NCOA1: variants seen among roughly 807,000 people sequenced by gnomAD.
The protein encoded by NCOA1 is Hin-2 protein.
NCOA1 carries 35 observed loss-of-function variants against 150.9 expected under a neutral mutation model. The observed-to-expected ratio is 0.23, with a 90% CI of 0.18 to 0.31. The LOEUF (loss-of-function observed/expected upper bound fraction) is 0.31. Among genes scored for constraint, NCOA1 ranks in the 10% least tolerant of loss-of-function variants. The probability of loss-of-function intolerance (pLI) is 1.00; values close to 1 mark genes in which losing one functional copy is unlikely to be tolerated. For synonymous variants in NCOA1, 590 were observed against 630.0 expected, an observed-to-expected ratio of 0.94 and a Z score of 0.95; for missense variants, 1,491 against 1,749.3, an observed-to-expected ratio of 0.85 and a Z score of 2.63.
intron 19 of NCOA1, among the ~76,000 whole-genome samples, chr2:24,751,213 A>C (rs546880858): frequency 3.7e-4 from 56 of 149,368 alleles, no homozygotes; most frequent in Middle Eastern, 3.4e-3. Flanking sequence ...TGATCCACCC[A>C]CCTCGGCCTC....
intron 21 of NCOA1, among the ~76,000 whole-genome samples, chr2:24,760,668 T>G (rs561952582): frequency 6.6e-6 from 1 of 152,282 alleles, no homozygotes; most frequent in African/African-American, 2.4e-5. Context: ...ATGATTGATG[T>G]TTTTCCCCTC....
Position 24,535,440 on chromosome 2 carries a change from C to T in NCOA1, c.-395-28855C>T, listed in dbSNP as rs574696771. On this transcript the variant is annotated intron_variant, in intron 1 of 22. Coordinates refer to ENST00000348332, the MANE Select transcript of NCOA1 (RefSeq NM_003743.5). The stretch of plus-strand genomic sequence containing the variant: ...TGTGTCTTTTAATTGGGGCATTTAG[C>T]CCATTTGCATTTAAGGTTAATATTA... Among the ~76,000 whole-genome samples, 13 of 152,198 alleles carry T rather than the reference C, an allele frequency of 8.5e-5. No individual in the cohort carries two copies. The South Asian group carries it at 2.7e-3, about 32-fold the overall frequency.
intron 3 of NCOA1, among the ~76,000 whole-genome samples, chr2:24,589,630 G>GGTGGT (rs1553433029): frequency 2.7e-5 from 4 of 147,448 alleles, no homozygotes; most frequent in East Asian, 2.0e-4. Flanking sequence ...AGAGGTTGGT[G>GGTGGT]GTGTGTGTGT....
intron 1 of NCOA1, among the ~76,000 whole-genome samples, chr2:24,533,066 G>A (rs1027686973): frequency 3.9e-5 from 6 of 152,142 alleles, no homozygotes; most frequent in African/African-American, 1.4e-4. Context: ...TCACGATATT[G>A]ATTCTTCCTA....
chr2:24,527,600 A>G (rs1420913662), intron 1 of NCOA1, among the ~76,000 whole-genome samples: 1 of 152,152 alleles, frequency 6.6e-6, no homozygotes, highest in Non-Finnish European at 1.5e-5. Flanking sequence ...TATCTTACCT[A>G]TTGTGAATAA....
chr2:24,729,935 T>A (rs1236354873), intron 17 of NCOA1, 120 bp downstream of exon 17: 1 of 1,076,086 alleles, frequency 9.3e-7, no homozygotes, highest in East Asian at 2.5e-5. Context: ...AACCGCCGCC[T>A]CCCAGGTTCA....
chr2:24,576,149 GTTTTTTTTTTTTTGTTTTTTGTTTTTTTT>G (rs1439579348), intron 2 of NCOA1, among the ~76,000 whole-genome samples: 12 of 94,006 alleles, frequency 1.3e-4, no homozygotes, highest in South Asian at 6.4e-4. Context: ...TTTGGCCTTT[GTTTTTTTTTTTTTGTTTTTTGTTTTTTTT>G]TTTTTTTTTT....
intron 1 of NCOA1, among the ~76,000 whole-genome samples, chr2:24,555,524 C>G (rs971307650): frequency 6.6e-6 from 1 of 152,138 alleles, no homozygotes; most frequent in Non-Finnish European, 1.5e-5. Flanking sequence ...TTTCTGTCTT[C>G]TTGTTCTATT....
intron 1 of NCOA1, among the ~76,000 whole-genome samples, chr2:24,541,789 G>A (rs1665409851): frequency 6.6e-6 from 1 of 152,156 alleles, no homozygotes; most frequent in African/African-American, 2.4e-5. Context: ...AAAATTCATA[G>A]GAATAAGACT....
chr2:24,745,166 T>C (rs995038685), intron 19 of NCOA1, among the ~76,000 whole-genome samples: 1 of 150,100 alleles, frequency 6.7e-6, no homozygotes, highest in African/African-American at 2.4e-5. Context: ...TCTTTTTTTT[T>C]TTTTTTTTTC....
intron 17 of NCOA1, among the ~76,000 whole-genome samples, chr2:24,733,001 C>A (rs1663097545): frequency 6.6e-6 from 1 of 151,864 alleles, no homozygotes; most frequent in African/African-American, 2.4e-5. Flanking sequence ...CACATGTACA[C>A]CCTTAACCAA....
At chr2:24,569,552 A>ATTTT (rs200639064) in intron 2 of NCOA1, among the ~76,000 whole-genome samples, 5,141 of 93,614 alleles carry the variant, frequency 0.055, 718 homozygotes, top group East Asian at 0.23. Context: ...GGTTTTATTA[A>ATTTT]TTTTTTTTTT....
chr2:24,705,707 A>G (rs55700682), intron 12 of NCOA1, among the ~76,000 whole-genome samples: 4,840 of 152,240 alleles, frequency 0.032, 241 homozygotes, highest in African/African-American at 0.11. Context: ...TCCCCTAAGT[A>G]TGTTTTACAC....
intron 1 of NCOA1, among the ~76,000 whole-genome samples, chr2:24,505,431 G>A (rs544965135): frequency 3.3e-5 from 5 of 151,996 alleles, no homozygotes; most frequent in Admixed American, 2.6e-4. Context: ...CACCTGCCTC[G>A]GTCTCCCGAA....
intron 1 of NCOA1, among the ~76,000 whole-genome samples, chr2:24,536,887 C>T (rs1665170808): frequency 6.6e-6 from 1 of 152,108 alleles, no homozygotes; most frequent in South Asian, 2.1e-4. Context: ...CCAAATACCA[C>T]ATGTTCTCAC....
At chr2:24,711,191 C>G in intron 14 of NCOA1, 80 bp downstream of exon 14, 1 of 1,352,328 alleles carries the variant, frequency 7.4e-7, no homozygotes. Flanking sequence ...CAGTATTACA[C>G]AGATCCTTTG....
At chr2:24,670,498 G>A (rs934624728) in intron 6 of NCOA1, among the ~76,000 whole-genome samples, 1 of 152,084 alleles carries the variant, frequency 6.6e-6, no homozygotes, top group Admixed American at 6.5e-5. Flanking sequence ...GCAATAAAAA[G>A]GAATAAAGTA....
chr2:24,535,736 T>C (rs1665104365), intron 1 of NCOA1, among the ~76,000 whole-genome samples: 1 of 152,220 alleles, frequency 6.6e-6, no homozygotes, highest in Non-Finnish European at 1.5e-5. Context: ...TATGAAATTC[T>C]GGGTTGAAAA....
At chr2:24,577,768 T>C (rs1320902470) in intron 2 of NCOA1, among the ~76,000 whole-genome samples, 4 of 152,222 alleles carry the variant, frequency 2.6e-5, no homozygotes, top group African/African-American at 9.6e-5. Flanking sequence ...ATGATCTGTT[T>C]TGAGAGATTG....
Sources: allele counts gnomAD v4.1 joint callset (sites outside exome capture counted in the v4.1 genomes callset), GRCh38; gene constraint gnomAD v4.1.1; transcripts MANE v1.5; gene names NCBI Gene and HGNC (gene_info 2026-07-23, HGNC 2026-07-21).